The following TENM2 variants were observed in gnomAD, a reference collection of about 807,000 sequenced individuals.
TENM2 encodes the protein teneurin transmembrane protein 2.
Under a neutral mutation model 245.2 loss-of-function variants are expected in TENM2, and 52 were observed. The observed-to-expected ratio is 0.21, with a 90% CI of 0.17 to 0.27. The LOEUF is 0.27. Ranked by LOEUF, TENM2 falls within the 10% of genes least tolerant of loss-of-function variation. TENM2 has a pLI of 1.00. For synonymous variants in TENM2, 1,363 were observed against 1,438.9 expected (o/e 0.95, Z 1.19); for missense variants, 3,046 against 3,666.8 (o/e 0.83, Z 4.37).
At chr5:166,986,914 AT>A in the TENM2 span, among the ~76,000 whole-genome samples, 123,797 of 151,892 alleles carry the variant, frequency 0.82, 50,848 homozygotes, top group Middle Eastern at 0.89. Context: ...AGAGAAGAGC[AT>A]TTTTTTTTAT....
chr5:166,981,792 C>A, the TENM2 span, among the ~76,000 whole-genome samples: 1 of 152,084 alleles, frequency 6.6e-6, no homozygotes, highest in Admixed American at 6.5e-5. Context: ...AGCCACCCCT[C>A]TGTCTACTTC....
chr5:167,891,298 CAG>C (rs1467908467), intron 3 of TENM2, among the ~76,000 whole-genome samples: 1 of 152,112 alleles, frequency 6.6e-6, no homozygotes, highest in African/African-American at 2.4e-5. Flanking sequence ...TTGTTTGAGA[CAG>C]AGTCTCCCTC....
At chr5:167,937,897 A>G (rs746591508) in intron 3 of TENM2, 5 of 152,146 alleles carry the variant, frequency 3.3e-5, no homozygotes, top group African/African-American at 1.2e-4. Context: ...TTTTCCCTTC[A>G]TAAGTCTTGC....
intron 2 of TENM2, among the ~76,000 whole-genome samples, chr5:167,787,811 C>T (rs7737602): frequency 0.012 from 1,877 of 152,146 alleles, 29 homozygotes; most frequent in African/African-American, 0.042. Context: ...TGAGTTGCCC[C>T]GCTAAAGGAA....
At chr5:167,703,015 C>T (rs559430398) in intron 2 of TENM2, among the ~76,000 whole-genome samples, 1 of 152,212 alleles carries the variant, frequency 6.6e-6, no homozygotes, top group East Asian at 1.9e-4. Flanking sequence ...CTCTCTCCCT[C>T]TGTCTCCCTC....
chr5:167,575,687 G>A (rs959845318), intron 2 of TENM2, among the ~76,000 whole-genome samples: 1 of 152,092 alleles, frequency 6.6e-6, no homozygotes, highest in Non-Finnish European at 1.5e-5. Flanking sequence ...TACAGGTTGG[G>A]GAGACTTAAT....
Position 167,430,097 on chromosome 5 carries a change from T to A in TENM2, c.502+54624T>A, listed in dbSNP as rs78268497. Among the ~76,000 whole-genome samples the A allele has an allele frequency of 3.5e-3, 531 of 152,218 alleles. 4 individuals are homozygous for A. The highest frequency in any genetic ancestry group is 0.014 in the Middle Eastern group (4 of 294). ...GTACAGGGGCAAAATCATCTAAGGC[T>A]GTGATCTCTAAGGAGTTTTGATTTT... On this transcript the variant is annotated intron_variant, in intron 2 of 28. Transcript: ENST00000518659.
At chr5:167,917,581 C>A (rs1161998371) in intron 3 of TENM2, among the ~76,000 whole-genome samples, 1 of 152,122 alleles carries the variant, frequency 6.6e-6, no homozygotes, top group Non-Finnish European at 1.5e-5. Flanking sequence ...ACCTTGAAAA[C>A]CCCACCTCAC....
chr5:167,883,251 T>G (rs1360467188), intron 3 of TENM2, among the ~76,000 whole-genome samples: 1 of 152,140 alleles, frequency 6.6e-6, no homozygotes, highest in Non-Finnish European at 1.5e-5. Flanking sequence ...CCTCAATAAT[T>G]GGGAACAAAT....
At chr5:167,758,461 C>G (rs1386018404) in intron 2 of TENM2, among the ~76,000 whole-genome samples, 1 of 152,016 alleles carries the variant, frequency 6.6e-6, no homozygotes, top group Non-Finnish European at 1.5e-5. Context: ...TTCCTACCAG[C>G]TTGGAAGAGA....
At chr5:168,060,360 G>T (rs929992518) in intron 6 of TENM2, among the ~76,000 whole-genome samples, 4 of 152,170 alleles carry the variant, frequency 2.6e-5, no homozygotes, top group Non-Finnish European at 4.4e-5. Context: ...GCTGCAGTGA[G>T]CTGAGATCGT....
chr5:167,408,254 G>A (rs576080056), intron 2 of TENM2, among the ~76,000 whole-genome samples: 14 of 152,274 alleles, frequency 9.2e-5, no homozygotes, highest in African/African-American at 3.1e-4. Flanking sequence ...GCTTGGAACT[G>A]GAGGTGTTAA....
At chr5:167,949,672 G>C (rs545884369) in intron 3 of TENM2, among the ~76,000 whole-genome samples, 4 of 152,244 alleles carry the variant, frequency 2.6e-5, no homozygotes, top group African/African-American at 9.6e-5. Flanking sequence ...GAGGTAGCAC[G>C]CCCAGGTTCA....
chr5:167,270,679 T>A, the TENM2 span, among the ~76,000 whole-genome samples: 1 of 152,126 alleles, frequency 6.6e-6, no homozygotes, highest in African/African-American at 2.4e-5. Context: ...TGCATTGGAT[T>A]GAAGGAACTA....
chr5:167,015,274 T>C, the TENM2 span, among the ~76,000 whole-genome samples: 1 of 152,206 alleles, frequency 6.6e-6, no homozygotes, highest in Non-Finnish European at 1.5e-5. Context: ...TAAAATGCGA[T>C]GGAAGTATAG....
At chr5:168,065,541 T>G (rs978005927) in intron 7 of TENM2, among the ~76,000 whole-genome samples, 1 of 152,186 alleles carries the variant, frequency 6.6e-6, no homozygotes, top group Non-Finnish European at 1.5e-5. Flanking sequence ...AAAGCTATGA[T>G]ATATGAGTGT....
chr5:167,174,937 C>A, the TENM2 span, among the ~76,000 whole-genome samples: 14 of 149,442 alleles, frequency 9.4e-5, no homozygotes, highest in Non-Finnish European at 1.9e-4. Context: ...CTTTCTGTGT[C>A]TGGCTAATTT....
At chr5:168,245,296 A>C (rs760711972) in intron 26 of TENM2, among the ~76,000 whole-genome samples, 66 of 152,096 alleles carry the variant, frequency 4.3e-4, no homozygotes, top group Middle Eastern at 3.4e-3. Context: ...TATTTCAAAA[A>C]AGAAAAAAGT....
At chr5:167,465,612 G>A (rs1251169945) in intron 2 of TENM2, among the ~76,000 whole-genome samples, 1 of 152,192 alleles carries the variant, frequency 6.6e-6, no homozygotes, top group Non-Finnish European at 1.5e-5. Flanking sequence ...GGCGGATCAC[G>A]AGGTCAGGAA....
Sources: gnomAD v4.1 joint callset for allele counts (sites outside exome capture counted in the v4.1 genomes callset) on GRCh38, gnomAD v4.1.1 for gene constraint, MANE v1.5 for transcripts, NCBI Gene and HGNC (gene_info 2026-07-23, HGNC 2026-07-21) for gene names.